GLRA1: variants seen among roughly 807,000 people sequenced by gnomAD.
The protein encoded by GLRA1 is glycine receptor subunit alpha-1.
GLRA1 carries 37 observed loss-of-function variants against 48.3 expected under a neutral mutation model. That is an observed-to-expected ratio of 0.77 (90% CI 0.59 to 1.01). The LOEUF (loss-of-function observed/expected upper bound fraction) is 1.01, where lower values mean the gene tolerates loss of function less well. Ranked by LOEUF, GLRA1 falls within the 50% of genes least tolerant of loss-of-function variation. GLRA1 has a pLI of 0.00. For missense variants in GLRA1, 427 were observed against 571.0 expected (o/e 0.75, Z 2.57); for synonymous variants, 196 against 210.7 (o/e 0.93, Z 0.60).
At chr5:151,920,815 A>C (rs1167887764) in intron 1 of GLRA1, among the ~76,000 whole-genome samples, 1 of 152,170 alleles carries the variant, frequency 6.6e-6, no homozygotes, top group African/African-American at 2.4e-5. Flanking sequence ...GTAAGATTCA[A>C]GGTGGAGTAC....
chr5:151,849,220 TC>T (rs1295389634), intron 7 of GLRA1, among the ~76,000 whole-genome samples: 1 of 75,868 alleles, frequency 1.3e-5, no homozygotes, highest in South Asian at 4.9e-4. Flanking sequence ...CTTCCTTTCT[TC>T]CTTCCTTCCT....
intron 1 of GLRA1, among the ~76,000 whole-genome samples, chr5:151,913,069 A>G (rs1463179896): frequency 6.6e-6 from 1 of 152,222 alleles, no homozygotes; most frequent in African/African-American, 2.4e-5. Context: ...GATGCTAGAG[A>G]TGGGTCTTAA....
At chr5:151,852,044 C>A (rs370769127) in intron 6 of GLRA1, among the ~76,000 whole-genome samples, 2 of 152,230 alleles carry the variant, frequency 1.3e-5, no homozygotes, top group South Asian at 2.1e-4. Context: ...CTTGTAAAAC[C>A]TTTGGTCTCA....
chr5:151,849,135 T>TCTTTCTTA (rs1171328748), intron 7 of GLRA1: 1 of 209,238 alleles, frequency 4.8e-6, no homozygotes, highest in Non-Finnish European at 8.3e-6. Flanking sequence ...TTTCTTTCTT[T>TCTTTCTTA]CTTTCTTTCT....
In GLRA1 at chr5:151,822,971, A is replaced by G. The variant is rs1288027459; in HGVS notation, c.1060-8T>C. 6.3e-7 allele frequency: 1 copy of G among 1,595,030 alleles called. No individual in the cohort carries two copies. On this transcript the variant is annotated splice_region_variant and splice_polypyrimidine_tract_variant and intron_variant, in intron 8 of 8. Coordinates refer to ENST00000274576, the MANE Select transcript of GLRA1 (RefSeq NM_000171.4). ...TTCTCCAGCTTCATCCTCCTGGAAT[A>G]GATTCAACATGGGGCTCTACTTAAA...
At chr5:151,829,434 C>T (rs1241521665) in intron 7 of GLRA1, among the ~76,000 whole-genome samples, 1 of 152,104 alleles carries the variant, frequency 6.6e-6, no homozygotes, top group African/African-American at 2.4e-5. Context: ...TCGTAAGGAC[C>T]TGAAAATTCC....
At chr5:151,857,041 G>A (rs946179740) in intron 4 of GLRA1, among the ~76,000 whole-genome samples, 35 of 152,146 alleles carry the variant, frequency 2.3e-4, no homozygotes, top group African/African-American at 7.5e-4. Context: ...GGGCCTGGCG[G>A]CAGGCTCTGT....
At chr5:151,867,949 C>T (rs1394592584) in intron 3 of GLRA1, among the ~76,000 whole-genome samples, 1 of 152,140 alleles carries the variant, frequency 6.6e-6, no homozygotes, top group African/African-American at 2.4e-5. Flanking sequence ...ATGGCAGGAA[C>T]CACTGTAGAC....
intron 3 of GLRA1, among the ~76,000 whole-genome samples, chr5:151,869,462 C>T (rs916868353): frequency 6.6e-6 from 1 of 151,180 alleles, no homozygotes; most frequent in African/African-American, 2.4e-5. Context: ...GCCTGTAATT[C>T]CAGCACTTTG....
intron 1 of GLRA1, among the ~76,000 whole-genome samples, chr5:151,922,858 CT>C (rs1754913962): frequency 6.6e-6 from 1 of 152,188 alleles, no homozygotes. Flanking sequence ...TATTAATTTG[CT>C]CTTAAATCTC....
At chr5:151,855,584 AAAGGTGACTC>A (rs546058106) in intron 5 of GLRA1, among the ~76,000 whole-genome samples, 1 of 152,156 alleles carries the variant, frequency 6.6e-6, no homozygotes, top group Non-Finnish European at 1.5e-5. Context: ...GAAAGTGTGA[AAAGGTGACTC>A]AAGCTAGGCC....
chr5:151,844,080 G>A (rs765243957), intron 7 of GLRA1, among the ~76,000 whole-genome samples: 2 of 151,394 alleles, frequency 1.3e-5, no homozygotes, highest in Non-Finnish European at 2.9e-5. Flanking sequence ...TGAGGCAGAA[G>A]AATCGCTTGA....
At chr5:151,883,539 A>C (rs933488361) in intron 3 of GLRA1, among the ~76,000 whole-genome samples, 30 of 152,358 alleles carry the variant, frequency 2.0e-4, no homozygotes, top group African/African-American at 7.0e-4. Context: ...ACTGGGGAAC[A>C]TAGCATGCCT....
At chr5:151,915,226 A>G (rs990007906) in intron 1 of GLRA1, among the ~76,000 whole-genome samples, 45 of 152,194 alleles carry the variant, frequency 3.0e-4, no homozygotes, top group African/African-American at 1.1e-3. Flanking sequence ...ATAAATGCTA[A>G]TGATTATTTT....
intron 1 of GLRA1, among the ~76,000 whole-genome samples, chr5:151,899,814 C>T (rs1052673832): frequency 6.6e-6 from 1 of 152,124 alleles, no homozygotes; most frequent in African/African-American, 2.4e-5. Flanking sequence ...TGCCCTGAGC[C>T]CAATTCACCT....
chr5:151,911,319 G>T (rs1415122558), intron 1 of GLRA1, among the ~76,000 whole-genome samples: 2 of 152,122 alleles, frequency 1.3e-5, no homozygotes, highest in African/African-American at 4.8e-5. Context: ...AGGCTCTTTT[G>T]TATGCTCCCA....
intron 1 of GLRA1, among the ~76,000 whole-genome samples, chr5:151,896,837 A>G (rs1754237678): frequency 6.6e-6 from 1 of 152,238 alleles, no homozygotes; most frequent in South Asian, 2.1e-4. Flanking sequence ...GAAGAGAACC[A>G]TAATAGCAAA....
At chr5:151,835,389 T>A (rs1763548279) in intron 7 of GLRA1, among the ~76,000 whole-genome samples, 1 of 151,944 alleles carries the variant, frequency 6.6e-6, no homozygotes, top group African/African-American at 2.4e-5. Context: ...TTCCAAACAA[T>A]AGAAAAAGAG....
At chr5:151,895,625 C>CTGTGTGTGTG (rs67871185) in intron 1 of GLRA1, among the ~76,000 whole-genome samples, 58 of 146,694 alleles carry the variant, frequency 4.0e-4, no homozygotes, top group African/African-American at 1.4e-3. Flanking sequence ...GTGTGTGTGT[C>CTGTGTGTGTG]TGTGTGTGTG....
Sources: allele counts gnomAD v4.1 joint callset (sites outside exome capture counted in the v4.1 genomes callset), GRCh38; gene constraint gnomAD v4.1.1; transcripts MANE v1.5; gene names NCBI Gene and HGNC (gene_info 2026-07-23, HGNC 2026-07-21).